The following PTPRK variants were observed in gnomAD, a reference collection of about 807,000 sequenced individuals.
PTPRK encodes the protein receptor-type tyrosine-protein phosphatase kappa.
Under a neutral mutation model 178.0 loss-of-function variants are expected in PTPRK, and 75 were observed. The observed-to-expected ratio is 0.42, with a 90% CI of 0.35 to 0.51. The LOEUF (loss-of-function observed/expected upper bound fraction) is 0.51, where lower values mean the gene tolerates loss of function less well. PTPRK is among the 20% of genes least tolerant of loss of function. The probability of loss-of-function intolerance (pLI) is 0.02; values close to 1 mark genes in which losing one functional copy is unlikely to be tolerated. For synonymous variants in PTPRK, 637 were observed against 620.6 expected (o/e 1.03, Z -0.39); for missense variants, 1,441 against 1,797.8 (o/e 0.80, Z 3.59).
intron 11 of PTPRK, among the ~76,000 whole-genome samples, chr6:128,071,601 C>T (rs916469301): frequency 1.3e-5 from 2 of 151,956 alleles, no homozygotes; most frequent in Admixed American, 6.6e-5. Context: ...TGGCATTTTA[C>T]TCTCCTTAGT....
intron 7 of PTPRK, among the ~76,000 whole-genome samples, chr6:128,177,291 T>G (rs1372894412): frequency 3.3e-5 from 5 of 151,752 alleles, no homozygotes; most frequent in Non-Finnish European, 5.9e-5. Context: ...CCATTTTACT[T>G]TTAAAGCCAT....
intron 5 of PTPRK, among the ~76,000 whole-genome samples, chr6:128,230,073 A>G (rs1481544000): frequency 6.6e-6 from 1 of 152,232 alleles, no homozygotes; most frequent in African/African-American, 2.4e-5. Context: ...GAAAGATGAC[A>G]CATTTTGTTC....
At chr6:128,488,899 A>G (rs1304055981) in intron 1 of PTPRK, among the ~76,000 whole-genome samples, 1 of 152,120 alleles carries the variant, frequency 6.6e-6, no homozygotes, top group African/African-American at 2.4e-5. Context: ...GAGTGTTTTA[A>G]AAGTAGGATA....
At chr6:128,463,953 A>T (rs1168628131) in intron 1 of PTPRK, among the ~76,000 whole-genome samples, 1 of 151,308 alleles carries the variant, frequency 6.6e-6, no homozygotes. Flanking sequence ...ATGGGGTTTC[A>T]CCATGTTGGC....
At chr6:128,152,373 A>G (rs1190655939) in intron 7 of PTPRK, among the ~76,000 whole-genome samples, 1 of 152,074 alleles carries the variant, frequency 6.6e-6, no homozygotes, top group Admixed American at 6.6e-5. Context: ...ACAGGACTTC[A>G]GGTCACATTG....
intron 1 of PTPRK, among the ~76,000 whole-genome samples, chr6:128,517,762 G>A (rs575311621): frequency 6.6e-6 from 1 of 152,194 alleles, no homozygotes; most frequent in East Asian, 1.9e-4. Flanking sequence ...ACATGATATC[G>A]GAAAGTAAAC....
At chr6:128,248,666 T>C (rs1278951620) in intron 3 of PTPRK, among the ~76,000 whole-genome samples, 1 of 152,004 alleles carries the variant, frequency 6.6e-6, no homozygotes, top group Non-Finnish European at 1.5e-5. Flanking sequence ...GAAAGAGCGG[T>C]CTGTATGAAG....
At chr6:128,103,528 T>C (rs1789147937) in intron 7 of PTPRK, among the ~76,000 whole-genome samples, 1 of 152,148 alleles carries the variant, frequency 6.6e-6, no homozygotes, top group African/African-American at 2.4e-5. Flanking sequence ...TTCCTGCACC[T>C]GCCCATCTGC....
chr6:128,491,945 G>A (rs572341819), intron 1 of PTPRK: 58 of 420,646 alleles, frequency 1.4e-4, no homozygotes, highest in Non-Finnish European at 2.2e-4. Flanking sequence ...ATTCACTACT[G>A]TTCACATTTG....
At chr6:128,367,607 T>C (rs963367536) in intron 2 of PTPRK, among the ~76,000 whole-genome samples, 1 of 152,142 alleles carries the variant, frequency 6.6e-6, no homozygotes, top group Non-Finnish European at 1.5e-5. Context: ...ATCTAAACCG[T>C]CAAGTATGAT....
At chr6:128,400,713 A>G (rs146748566) in intron 1 of PTPRK, among the ~76,000 whole-genome samples, 183 of 152,296 alleles carry the variant, frequency 1.2e-3, no homozygotes, top group Non-Finnish European at 2.2e-3. Context: ...AAAGGCCTAA[A>G]CACCAAGTCC....
At chr6:128,001,213 A>G in intron 15 of PTPRK, 1 of 1,534,844 alleles carries the variant, frequency 6.5e-7, no homozygotes, top group Non-Finnish European at 8.8e-7. Flanking sequence ...AGGAACTTAA[A>G]CCCAATGAAG....
chr6:128,270,138 T>C (rs1221863206), intron 3 of PTPRK, among the ~76,000 whole-genome samples: 1 of 152,148 alleles, frequency 6.6e-6, no homozygotes, highest in Non-Finnish European at 1.5e-5. Flanking sequence ...TACTTTCTCA[T>C]AGTTATATTA....
At chr6:128,324,976 T>C (rs1829345971) in intron 2 of PTPRK, among the ~76,000 whole-genome samples, 5 of 152,178 alleles carry the variant, frequency 3.3e-5, no homozygotes, top group Admixed American at 3.3e-4. Context: ...ATACTTTATG[T>C]TATAATTTAA....
intron 15 of PTPRK, among the ~76,000 whole-genome samples, chr6:128,004,444 A>G (rs1778195001): frequency 6.6e-6 from 1 of 151,832 alleles, no homozygotes; most frequent in African/African-American, 2.4e-5. Flanking sequence ...GAAATATTTT[A>G]AAAGCCTTGC....
intron 3 of PTPRK, among the ~76,000 whole-genome samples, chr6:128,315,939 A>C (rs1290375415): frequency 6.6e-6 from 1 of 152,228 alleles, no homozygotes; most frequent in African/African-American, 2.4e-5. Flanking sequence ...ACAAAAATTC[A>C]AGTTGTTCAA....
intron 11 of PTPRK, among the ~76,000 whole-genome samples, chr6:128,072,725 TG>T (rs1428653924): frequency 6.6e-6 from 1 of 152,056 alleles, no homozygotes; most frequent in East Asian, 1.9e-4. Flanking sequence ...CTGCCTTTCT[TG>T]TCTAGTTTTT....
chr6:128,334,345 G>T (rs1830639135), intron 2 of PTPRK, among the ~76,000 whole-genome samples: 2 of 152,158 alleles, frequency 1.3e-5, no homozygotes, highest in Non-Finnish European at 2.9e-5. Flanking sequence ...TAGCTGTACT[G>T]AATGATGTAA....
At chr6:128,470,847 G>GAAAAAA (rs1179582829) in intron 1 of PTPRK, among the ~76,000 whole-genome samples, 1 of 136,420 alleles carries the variant, frequency 7.3e-6, no homozygotes, top group Non-Finnish European at 1.6e-5. Context: ...AAAAAGAAAG[G>GAAAAAA]AAAAAAAAGA....
Sources: allele counts gnomAD v4.1 joint callset (sites outside exome capture counted in the v4.1 genomes callset), GRCh38; gene constraint gnomAD v4.1.1; transcripts MANE v1.5; gene names NCBI Gene and HGNC (gene_info 2026-07-23, HGNC 2026-07-21).